RYK: variants seen among roughly 807,000 people sequenced by gnomAD.
The protein encoded by RYK is receptor like tyrosine kinase, also known as inactive tyrosine-protein kinase RYK.
A neutral mutation model predicts 70.2 loss-of-function variants in RYK; 21 were observed. That is an observed-to-expected ratio of 0.30 (90% CI 0.21 to 0.43). RYK has a LOEUF of 0.43. Among genes scored for constraint, RYK ranks in the 20% least tolerant of loss-of-function variants. The pLI is 1.00. For missense variants in RYK, 604 were observed against 753.3 expected (o/e 0.80, Z 2.32); for synonymous variants, 267 against 278.0 (o/e 0.96, Z 0.39).
chr3:134,165,648 G>C (rs2012639945), intron 13 of RYK, among the ~76,000 whole-genome samples: 1 of 152,190 alleles, frequency 6.6e-6, no homozygotes, highest in African/African-American at 2.4e-5. Context: ...GTTCCACCTA[G>C]CTGAGAGATG....
intron 3 of RYK, among the ~76,000 whole-genome samples, chr3:134,210,698 G>A (rs1275309363): frequency 6.6e-6 from 1 of 152,088 alleles, no homozygotes; most frequent in Non-Finnish European, 1.5e-5. Flanking sequence ...CAGTTAAATT[G>A]GTGTAAATAA....
intron 9 of RYK, 100 bp from the exon 10 acceptor site, chr3:134,183,171 C>A (rs1353863033): frequency 3.6e-6 from 2 of 555,464 alleles, no homozygotes; most frequent in Non-Finnish European, 5.9e-6. Context: ...CTATAAGGTA[C>A]ATAGGTTTTC....
chr3:134,247,710 A>T (rs1436108463), intron 1 of RYK, among the ~76,000 whole-genome samples: 2 of 152,124 alleles, frequency 1.3e-5, no homozygotes, highest in Non-Finnish European at 2.9e-5. Context: ...CTCAAAAAAA[A>T]AAAAAAGCCT....
chr3:134,239,532 T>C (rs1195836803), intron 1 of RYK, among the ~76,000 whole-genome samples: 1 of 152,122 alleles, frequency 6.6e-6, no homozygotes, highest in East Asian at 1.9e-4. Flanking sequence ...CATTAGTAAG[T>C]ATAGCTTCAG....
chr3:134,193,207 G>A (rs547090660), intron 7 of RYK, among the ~76,000 whole-genome samples: 5 of 147,442 alleles, frequency 3.4e-5, no homozygotes, highest in South Asian at 4.3e-4. Flanking sequence ...TTTTTGAGAC[G>A]GAGTCTCACT....
chr3:134,168,304 A>G (rs2012760877), intron 13 of RYK, among the ~76,000 whole-genome samples: 1 of 152,210 alleles, frequency 6.6e-6, no homozygotes, highest in South Asian at 2.1e-4. Context: ...TCATGCTGCT[A>G]TAAAGACACA....
At chr3:134,211,688 A>T (rs2014402913) in intron 2 of RYK, 81 bp from the exon 3 acceptor site, 1 of 876,214 alleles carries the variant, frequency 1.1e-6, no homozygotes, top group Non-Finnish European at 1.9e-6. Flanking sequence ...TAATTGGCTC[A>T]TTAATCAATG....
chr3:134,218,558 A>G (rs1038042905), intron 2 of RYK, among the ~76,000 whole-genome samples: 1 of 152,212 alleles, frequency 6.6e-6, no homozygotes, highest in Non-Finnish European at 1.5e-5. Context: ...AAAAAACGGC[A>G]TTTGTGGCAA....
intron 1 of RYK, among the ~76,000 whole-genome samples, chr3:134,235,454 G>A (rs1247305695): frequency 1.3e-5 from 2 of 151,384 alleles, no homozygotes; most frequent in African/African-American, 4.9e-5. Flanking sequence ...TAATAATCAG[G>A]AAATAAAATT....
intron 5 of RYK, among the ~76,000 whole-genome samples, chr3:134,204,142 TTC>T (rs1178542168): frequency 6.6e-6 from 1 of 152,178 alleles, no homozygotes; most frequent in Non-Finnish European, 1.5e-5. Context: ...TGTTTTGCTT[TTC>T]TGTTTTTAAA....
chr3:134,231,460 C>G (rs1013820428), intron 1 of RYK, among the ~76,000 whole-genome samples: 3 of 152,174 alleles, frequency 2.0e-5, no homozygotes, highest in African/African-American at 7.2e-5. Context: ...TTGAACATAA[C>G]AGAGCAACTT....
intron 1 of RYK, among the ~76,000 whole-genome samples, chr3:134,224,233 G>A (rs1472193464): frequency 6.6e-6 from 1 of 152,138 alleles, no homozygotes; most frequent in South Asian, 2.1e-4. Flanking sequence ...AGGCAAGGGG[G>A]CAGGGTAAGG....
intron 2 of RYK, among the ~76,000 whole-genome samples, chr3:134,219,436 T>C (rs67022177): frequency 6.6e-5 from 10 of 152,034 alleles, no homozygotes; most frequent in African/African-American, 2.4e-4. Context: ...ACCCATACAC[T>C]TGCCCAGGAA....
intron 2 of RYK, among the ~76,000 whole-genome samples, chr3:134,215,841 C>G (rs981909213): frequency 6.6e-6 from 1 of 151,964 alleles, no homozygotes; most frequent in Non-Finnish European, 1.5e-5. Flanking sequence ...AGTTCAAGAC[C>G]AGCCTGGCCA....
chr3:134,218,153 C>T (rs1318923318), intron 2 of RYK, among the ~76,000 whole-genome samples: 1 of 152,194 alleles, frequency 6.6e-6, no homozygotes, highest in Non-Finnish European at 1.5e-5. Flanking sequence ...CCCATTTGTG[C>T]AACTACTGTC....
In RYK at chr3:134,191,946, G is replaced by A. The variant is rs776932307; in HGVS notation, c.918C>T (p.Asn306=). The A allele has an allele frequency of 5.0e-6, 8 of 1,613,234 alleles. No homozygotes were observed. The highest frequency in any genetic ancestry group is 4.5e-5 in the East Asian group (2 of 44,830). The change falls in exon 8 of 15, where the codon AAC becomes AAT. Residue 306 remains asparagine, a synonymous_variant. Coordinates refer to ENST00000623711, the MANE Select transcript of RYK (RefSeq NM_002958.4). ...TSYPTLRIEK[N]DLRSVTLLEA... is the part of the protein sequence containing the mutation. ...CCAAAAGAGTGACACTTCTCAAGTC[G>A]TTCTTCTCTATCCGCAAGGTAGGAT...
chr3:134,191,770 T>A, intron 8 of RYK, 79 bp downstream of exon 8: 1 of 1,162,960 alleles, frequency 8.6e-7, no homozygotes. Context: ...GAGATGAAAT[T>A]TTTTAAATTT....
At position 134,222,399 on chromosome 3, in the gene RYK, T is replaced by A. The variant is rs773196771; in HGVS notation, c.354+19A>T. The stretch of plus-strand genomic sequence containing the variant: ...CTGGGTGACCCTGTCATGATGTCTG[T>A]GGTTAGCCACTCTCTTACCTTGGAC... On this transcript the variant is annotated intron_variant, in intron 2 of 14. Transcript: ENST00000623711. 1 of 1,612,156 alleles carries A rather than the reference T, an allele frequency of 6.2e-7. No homozygotes were observed. The highest frequency in any genetic ancestry group is 8.5e-7 in the Non-Finnish European group (1 of 1,179,552).
At chr3:134,224,721 G>A (rs991947266) in intron 1 of RYK, among the ~76,000 whole-genome samples, 3 of 152,156 alleles carry the variant, frequency 2.0e-5, no homozygotes, top group African/African-American at 2.4e-5. Flanking sequence ...TGGCGTTACC[G>A]CTAGACCAAG....
Sources: gnomAD v4.1 joint callset for allele counts (sites outside exome capture counted in the v4.1 genomes callset) on GRCh38, gnomAD v4.1.1 for gene constraint, MANE v1.5 for transcripts, NCBI Gene and HGNC (gene_info 2026-07-23, HGNC 2026-07-21) for gene names.